UNC13C: variants seen among roughly 807,000 people sequenced by gnomAD.
UNC13C encodes the protein protein unc-13 homolog C.
UNC13C carries 174 observed loss-of-function variants against 245.4 expected under a neutral mutation model. That is an observed-to-expected ratio of 0.71 (90% CI 0.63 to 0.80). The LOEUF is 0.80. Ranked by LOEUF, UNC13C falls within the 30% of genes least tolerant of loss-of-function variation. The pLI is 0.00. For synonymous variants in UNC13C, 992 were observed against 895.1 expected (o/e 1.11, Z -1.93); for missense variants, 2,829 against 2,602.9 (o/e 1.09, Z -1.89).
chr15:54,348,197 T>G (rs2038902772), intron 17 of UNC13C, among the ~76,000 whole-genome samples: 1 of 152,156 alleles, frequency 6.6e-6, no homozygotes, highest in South Asian at 2.1e-4. Context: ...AAGGCTGCAA[T>G]GAATATCTTT....
intron 4 of UNC13C, among the ~76,000 whole-genome samples, chr15:54,208,300 A>C (rs1326751321): frequency 6.6e-6 from 1 of 152,010 alleles, no homozygotes; most frequent in Non-Finnish European, 1.5e-5. Context: ...CACCTCCAAC[A>C]CTGGAGATTA....
the UNC13C span, among the ~76,000 whole-genome samples, chr15:53,885,046 A>G: frequency 6.6e-6 from 1 of 152,250 alleles, no homozygotes; most frequent in East Asian, 1.9e-4. Flanking sequence ...ACTTTATCAC[A>G]CAAAGAGTGG....
intron 26 of UNC13C, among the ~76,000 whole-genome samples, chr15:54,537,422 GTTTGAATCCTAT>G (rs1896031629): frequency 6.6e-6 from 1 of 151,764 alleles, no homozygotes; most frequent in Non-Finnish European, 1.5e-5. Flanking sequence ...GCAACTTACA[GTTTGAATCCTAT>G]TCCTATCAAA....
intron 2 of UNC13C, chr15:54,049,228 G>T (rs879030240): frequency 2.0e-6 from 1 of 506,714 alleles, no homozygotes; most frequent in African/African-American, 2.0e-5. Context: ...CATTGCTATG[G>T]TATCATTACT....
chr15:54,165,401 A>G (rs1365227297), intron 4 of UNC13C, among the ~76,000 whole-genome samples: 1 of 152,166 alleles, frequency 6.6e-6, no homozygotes, highest in Non-Finnish European at 1.5e-5. Flanking sequence ...CCATTATTTC[A>G]TTGAATTCTC....
At chr15:54,241,129 G>C (rs1052576774) in intron 7 of UNC13C, among the ~76,000 whole-genome samples, 2 of 152,124 alleles carry the variant, frequency 1.3e-5, no homozygotes, top group African/African-American at 2.4e-5. Context: ...TGAGGTTTAT[G>C]GGAAACCAGG....
chr15:54,150,946 T>G (rs970813302), intron 4 of UNC13C, among the ~76,000 whole-genome samples: 4 of 152,214 alleles, frequency 2.6e-5, no homozygotes, highest in African/African-American at 9.6e-5. Flanking sequence ...ATCATAAAAC[T>G]GACTCAGAAG....
At chr15:54,436,905 TTAA>T (rs1890252928) in intron 19 of UNC13C, among the ~76,000 whole-genome samples, 1 of 151,994 alleles carries the variant, frequency 6.6e-6, no homozygotes, top group African/African-American at 2.4e-5. Flanking sequence ...AGTTATCGTA[TTAA>T]TTTTTTAATG....
At chr15:53,952,398 G>C in the UNC13C span, among the ~76,000 whole-genome samples, 1 of 152,144 alleles carries the variant, frequency 6.6e-6, no homozygotes, top group African/African-American at 2.4e-5. Flanking sequence ...CTTGAATTCA[G>C]GGTTTCTAAC....
the UNC13C span, among the ~76,000 whole-genome samples, chr15:53,935,885 G>A: frequency 0.02 from 2,982 of 152,256 alleles, 99 homozygotes; most frequent in African/African-American, 0.069. Flanking sequence ...GCAAAGTCTT[G>A]GTGGGGTGCA....
intron 2 of UNC13C, among the ~76,000 whole-genome samples, chr15:54,137,630 C>G (rs545757105): frequency 6.6e-6 from 1 of 152,202 alleles, no homozygotes; most frequent in African/African-American, 2.4e-5. Flanking sequence ...AAAGTGGTCT[C>G]TTAAGATCCT....
chr15:54,278,058 A>G (rs747045890), intron 10 of UNC13C, among the ~76,000 whole-genome samples: 9 of 152,074 alleles, frequency 5.9e-5, no homozygotes, highest in Non-Finnish European at 1.2e-4. Context: ...ACTCAAAAAT[A>G]ACTCTTATGT....
At chr15:54,428,586 G>A (rs567235237) in intron 19 of UNC13C, among the ~76,000 whole-genome samples, 1 of 151,470 alleles carries the variant, frequency 6.6e-6, no homozygotes, top group Non-Finnish European at 1.5e-5. Context: ...ACCTTAGACT[G>A]TAAGCTCTGT....
At chr15:54,449,513 A>T (rs1477541674) in intron 19 of UNC13C, among the ~76,000 whole-genome samples, 1 of 152,018 alleles carries the variant, frequency 6.6e-6, no homozygotes, top group African/African-American at 2.4e-5. Flanking sequence ...TTCTCGCTTC[A>T]TTTAATTCAT....
At chr15:54,089,164 C>A (rs1899419274) in intron 2 of UNC13C, among the ~76,000 whole-genome samples, 1 of 152,146 alleles carries the variant, frequency 6.6e-6, no homozygotes, top group Non-Finnish European at 1.5e-5. Flanking sequence ...CAGGAACCTG[C>A]CAGGTTATCT....
chr15:53,842,272 A>C, the UNC13C span, among the ~76,000 whole-genome samples: 16 of 152,348 alleles, frequency 1.1e-4, no homozygotes, highest in African/African-American at 3.8e-4. Flanking sequence ...GCTCATTCAT[A>C]AAGTATAAAT....
chr15:54,100,162 A>C (rs1467060026), intron 2 of UNC13C, among the ~76,000 whole-genome samples: 1 of 149,086 alleles, frequency 6.7e-6, no homozygotes, highest in Non-Finnish European at 1.5e-5. Context: ...CAAGTACCTT[A>C]TTTCTTTTCT....
chr15:54,024,432 A>G (rs115221078), intron 2 of UNC13C, among the ~76,000 whole-genome samples: 1,709 of 152,278 alleles, frequency 0.011, 37 homozygotes, highest in African/African-American at 0.04. Context: ...GTATCCAAGG[A>G]CTGAGCCCAA....
At chr15:54,162,321 G>A (rs1352323540) in intron 4 of UNC13C, among the ~76,000 whole-genome samples, 2 of 152,164 alleles carry the variant, frequency 1.3e-5, no homozygotes, top group African/African-American at 4.8e-5. Context: ...ACCTGTGATT[G>A]CAGAATTTAG....
Sources: allele counts gnomAD v4.1 joint callset (sites outside exome capture counted in the v4.1 genomes callset), GRCh38; gene constraint gnomAD v4.1.1; transcripts MANE v1.5; gene names NCBI Gene and HGNC (gene_info 2026-07-23, HGNC 2026-07-21).